The following CUX1 variants were observed in gnomAD, a reference collection of about 807,000 sequenced individuals.
CUX1 encodes the protein cut like homeobox 1, also known as protein CASP.
A neutral mutation model predicts 158.8 loss-of-function variants in CUX1; 31 were observed. The observed-to-expected ratio is 0.20, with a 90% confidence interval of 0.15 to 0.26. CUX1 has a LOEUF of 0.26. Ranked by LOEUF, CUX1 falls within the 10% of genes least tolerant of loss-of-function variation. CUX1 has a pLI of 1.00. For missense variants in CUX1, 1,589 were observed against 2,014.6 expected (o/e 0.79, Z 4.04); for synonymous variants, 879 against 862.1 (o/e 1.02, Z -0.34).
intron 3 of CUX1, among the ~76,000 whole-genome samples, chr7:102,035,971 A>G (rs1227931423): frequency 2.6e-5 from 4 of 152,170 alleles, no homozygotes; most frequent in African/African-American, 9.6e-5. Context: ...TCCCGGATTC[A>G]AGGTTATCTC....
intron 2 of CUX1, among the ~76,000 whole-genome samples, chr7:101,926,672 G>T (rs1312185610): frequency 1.3e-5 from 2 of 152,190 alleles, no homozygotes; most frequent in Non-Finnish European, 2.9e-5. Context: ...CCAGTCTCAG[G>T]CCAGGAGTAG....
At position 102,081,398 on chromosome 7, in the gene CUX1, T is replaced by G. The variant is rs535642435; in HGVS notation, c.268+10981T>G. 2.1e-4 allele frequency among the ~76,000 whole-genome samples: 31 copies of G among 146,694 alleles called. 3 individuals carry two copies. In the East Asian group the frequency reaches 3.1e-3, roughly 15 times the overall value. On this transcript the variant is annotated intron_variant, in intron 4 of 23. Coordinates refer to ENST00000292535, the MANE Select transcript of CUX1 (RefSeq NM_181552.4). Reference sequence around the variant, plus strand: ...CATGTCGAGGGAGGTGATTGGATCATGGGGGCAGTTTCCCCGTGGCTGTTT... The same window carrying G: ...CATGTCGAGGGAGGTGATTGGATCAGGGGGGCAGTTTCCCCGTGGCTGTTT...
At chr7:101,884,806 A>G (rs1248528379) in intron 1 of CUX1, among the ~76,000 whole-genome samples, 1 of 152,212 alleles carries the variant, frequency 6.6e-6, no homozygotes, top group Non-Finnish European at 1.5e-5. Flanking sequence ...TAAACATTGG[A>G]TAAACAGAGG....
chr7:102,260,201 A>G (rs1298393891), downstream of CUX1, among the ~76,000 whole-genome samples: 3 of 150,704 alleles, frequency 2.0e-5, no homozygotes, highest in African/African-American at 7.3e-5. Context: ...GGCTTAAGCA[A>G]CCCTCCCATC....
chr7:101,827,188 C>T (rs1233952393), intron 1 of CUX1, among the ~76,000 whole-genome samples: 1 of 151,998 alleles, frequency 6.6e-6, no homozygotes, highest in East Asian at 1.9e-4. Context: ...TGCTGTTCCC[C>T]CTACCCCACC....
At chr7:101,870,603 G>T (rs1353637491) in intron 1 of CUX1, among the ~76,000 whole-genome samples, 1 of 152,112 alleles carries the variant, frequency 6.6e-6, no homozygotes, top group Non-Finnish European at 1.5e-5. Flanking sequence ...GAAATTAATG[G>T]ATGAGGGAAG....
rs532488957 is a variant in CUX1, at chr7:102,217,940, G to A, written c.3131-9427G>A. Among the ~76,000 whole-genome samples, 63 of 152,108 alleles carry A rather than the reference G, an allele frequency of 4.1e-4. No homozygotes were observed. The South Asian group carries it at 0.012, about 29-fold the overall frequency. On this transcript the variant is annotated intron_variant, in intron 20 of 23. Coordinates refer to ENST00000292535, the MANE Select transcript of CUX1 (RefSeq NM_181552.4). ...TGGTGTCTAGAGAGAGGGAGGCTCC[G>A]GATGGATGCGATGGTGTCTAGAGGG...
At chr7:102,103,761 T>TA (rs1162643457) in intron 5 of CUX1, among the ~76,000 whole-genome samples, 2 of 149,294 alleles carry the variant, frequency 1.3e-5, no homozygotes, top group African/African-American at 5.0e-5. Context: ...TTTTTTTTTT[T>TA]AATTTATTTG....
chr7:102,274,395 G>C, intron 16 of CUX1: 1 of 1,210,524 alleles, frequency 8.3e-7, no homozygotes, highest in Non-Finnish European at 1.2e-6. Context: ...GATCCCCAAA[G>C]AGTAGTCCCT....
chr7:102,140,904 CACT>C (rs1374298903), intron 8 of CUX1, among the ~76,000 whole-genome samples: 1 of 151,474 alleles, frequency 6.6e-6, no homozygotes, highest in African/African-American at 2.4e-5. Flanking sequence ...CACCCTGATA[CACT>C]GCTTGGCTAG....
intron 1 of CUX1, among the ~76,000 whole-genome samples, chr7:101,871,018 G>A (rs910250057): frequency 5.9e-5 from 9 of 152,222 alleles, no homozygotes; most frequent in African/African-American, 2.2e-4. Flanking sequence ...GAGAGCGGGT[G>A]TTGCCCAGAG....
intron 2 of CUX1, among the ~76,000 whole-genome samples, chr7:101,924,560 T>C (rs913807784): frequency 6.6e-6 from 1 of 150,484 alleles, no homozygotes; most frequent in African/African-American, 2.4e-5. Flanking sequence ...ATTACTTTTT[T>C]CCTTTTTTTT....
intron 15 of CUX1, 121 bp from the exon 16 acceptor site, chr7:102,198,681 C>T (rs1586172131): frequency 1.2e-6 from 1 of 817,624 alleles, no homozygotes; most frequent in African/African-American, 1.7e-5. Context: ...CCGAGTTGCA[C>T]AGGCAGCCCT....
intron 9 of CUX1, among the ~76,000 whole-genome samples, chr7:102,168,918 C>CT (rs1239519322): frequency 2.4e-5 from 2 of 84,130 alleles, no homozygotes; most frequent in Non-Finnish European, 2.3e-5. Flanking sequence ...CTTTTATTTT[C>CT]TTTTCTTTTC....
chr7:102,138,165 C>T (rs1834090871), intron 8 of CUX1, among the ~76,000 whole-genome samples: 2 of 152,208 alleles, frequency 1.3e-5, no homozygotes, highest in South Asian at 4.1e-4. Flanking sequence ...GCCTGGGCAA[C>T]AAAGTGAGAT....
At chr7:101,882,944 C>T (rs929652951) in intron 1 of CUX1, among the ~76,000 whole-genome samples, 14 of 152,134 alleles carry the variant, frequency 9.2e-5, no homozygotes, top group African/African-American at 2.7e-4. Flanking sequence ...GCCTCTAAGG[C>T]CCTGCTGGTT....
chr7:102,204,847 TAA>T (rs1554520656), intron 19 of CUX1, among the ~76,000 whole-genome samples: 1 of 152,192 alleles, frequency 6.6e-6, no homozygotes, highest in East Asian at 1.9e-4. Context: ...TAAATACAGG[TAA>T]AAGTCAAGTA....
chr7:102,081,209 TTCCC>T (rs1827347833), intron 4 of CUX1, among the ~76,000 whole-genome samples: 1 of 152,162 alleles, frequency 6.6e-6, no homozygotes, highest in Non-Finnish European at 1.5e-5. Flanking sequence ...TTCATTTGCA[TTCCC>T]TCCCTATCTA....
intron 1 of CUX1, among the ~76,000 whole-genome samples, chr7:101,886,345 C>CTATA (rs1800225575): frequency 1.3e-5 from 2 of 152,102 alleles, no homozygotes; most frequent in Admixed American, 6.6e-5. Context: ...AGGTGTGCGC[C>CTATA]GCCATGCCCA....
Sources: allele counts gnomAD v4.1 joint callset (sites outside exome capture counted in the v4.1 genomes callset), GRCh38; gene constraint gnomAD v4.1.1; transcripts MANE v1.5; gene names NCBI Gene and HGNC (gene_info 2026-07-23, HGNC 2026-07-21).